The following LOC128462377 variants were observed in gnomAD, a reference collection of about 807,000 sequenced individuals.
At chr16:89,382,612 C>T in the LOC128462377 span, among the ~76,000 whole-genome samples, 1 of 151,900 alleles carries the variant, frequency 6.6e-6, no homozygotes, top group African/African-American at 2.4e-5. Flanking sequence ...GCTGAGATTA[C>T]AGGCCTGAGC....
chr16:89,405,460 G>C, the LOC128462377 span, among the ~76,000 whole-genome samples: 1 of 150,478 alleles, frequency 6.6e-6, no homozygotes. Context: ...AACTAGCTGT[G>C]ACTACAGGCA....
chr16:89,362,535 C>T, the LOC128462377 span, among the ~76,000 whole-genome samples: 1 of 152,256 alleles, frequency 6.6e-6, no homozygotes. Flanking sequence ...GCGGAGCACA[C>T]ATCTCAGCTG....
chr16:89,417,808 G>C, the LOC128462377 span, among the ~76,000 whole-genome samples: 1 of 152,038 alleles, frequency 6.6e-6, no homozygotes, highest in African/African-American at 2.4e-5. Context: ...ACAGCTCCCA[G>C]GATACAGAAT....
the LOC128462377 span, among the ~76,000 whole-genome samples, chr16:89,375,631 T>C: frequency 6.6e-6 from 1 of 151,932 alleles, no homozygotes; most frequent in African/African-American, 2.4e-5. Context: ...TTTTTAAATT[T>C]TTAGTAGAGA....
the LOC128462377 span, among the ~76,000 whole-genome samples, chr16:89,382,331 A>T: frequency 6.6e-6 from 1 of 151,002 alleles, no homozygotes; most frequent in African/African-American, 2.4e-5. Context: ...ATATATATAT[A>T]TATATTTTTT....
chr16:89,406,316 C>A, the LOC128462377 span, among the ~76,000 whole-genome samples: 2 of 152,108 alleles, frequency 1.3e-5, no homozygotes, highest in Admixed American at 6.5e-5. Flanking sequence ...AAGCACAGAC[C>A]CTCACTGCCA....
chr16:89,391,940 A>G, the LOC128462377 span, among the ~76,000 whole-genome samples: 1 of 152,256 alleles, frequency 6.6e-6, no homozygotes, highest in Non-Finnish European at 1.5e-5. Context: ...TACTGGTCGA[A>G]GCAAGCATTA....
the LOC128462377 span, chr16:89,418,214 T>A: frequency 2.2e-6 from 1 of 445,870 alleles, no homozygotes; most frequent in Non-Finnish European, 4.5e-6. Context: ...ACTCACGCAT[T>A]ATTTTGATAC....
the LOC128462377 span, among the ~76,000 whole-genome samples, chr16:89,338,509 A>C: frequency 6.6e-6 from 1 of 151,266 alleles, no homozygotes; most frequent in African/African-American, 2.4e-5. Flanking sequence ...GCGGGCAATC[A>C]CCTGAGGTCA....
At chr16:89,318,074 G>A in the LOC128462377 span, among the ~76,000 whole-genome samples, 1 of 152,164 alleles carries the variant, frequency 6.6e-6, no homozygotes, top group East Asian at 1.9e-4. Flanking sequence ...GGCAGTTGGG[G>A]GAGGCCTTCC....
At chr16:89,414,117 C>T in the LOC128462377 span, among the ~76,000 whole-genome samples, 1 of 152,188 alleles carries the variant, frequency 6.6e-6, no homozygotes, top group Non-Finnish European at 1.5e-5. Flanking sequence ...CTGAGGCGCA[C>T]GATCGCACCT....
chr16:89,379,966 T>C, the LOC128462377 span, among the ~76,000 whole-genome samples: 1 of 152,220 alleles, frequency 6.6e-6, no homozygotes. Flanking sequence ...TTCATCTCTA[T>C]TTACCAAACA....
At chr16:89,343,350 T>A in the LOC128462377 span, among the ~76,000 whole-genome samples, 1 of 152,252 alleles carries the variant, frequency 6.6e-6, no homozygotes, top group Non-Finnish European at 1.5e-5. Flanking sequence ...AATTGACATT[T>A]AGTTATAAGC....
the LOC128462377 span, among the ~76,000 whole-genome samples, chr16:89,325,905 G>A: frequency 6.6e-6 from 1 of 152,280 alleles, no homozygotes; most frequent in South Asian, 2.1e-4. Context: ...GACCCTCAAG[G>A]GCATGAGCAT....
the LOC128462377 span, among the ~76,000 whole-genome samples, chr16:89,390,689 A>AGTT: frequency 2.0e-4 from 31 of 152,172 alleles, no homozygotes; most frequent in Non-Finnish European, 3.5e-4. Flanking sequence ...TCTCGGGGAA[A>AGTT]CAGTGAGCAC....
the LOC128462377 span, among the ~76,000 whole-genome samples, chr16:89,409,069 G>T: frequency 6.6e-6 from 1 of 152,182 alleles, no homozygotes; most frequent in Non-Finnish European, 1.5e-5. Context: ...TGCACAAAAG[G>T]CCAGAGCAGC....
the LOC128462377 span, among the ~76,000 whole-genome samples, chr16:89,394,538 G>C: frequency 7.2e-5 from 11 of 151,918 alleles, no homozygotes; most frequent in South Asian, 2.3e-3. Context: ...TGAGGCAGGA[G>C]AATCGCTTGA....
chr16:89,345,933 C>CT, the LOC128462377 span, among the ~76,000 whole-genome samples: 1 of 152,122 alleles, frequency 6.6e-6, no homozygotes, highest in African/African-American at 2.4e-5. Flanking sequence ...ATAAAAGCCT[C>CT]TGAGTAAAGA....
chr16:89,417,114 C>T, the LOC128462377 span, among the ~76,000 whole-genome samples: 11 of 152,280 alleles, frequency 7.2e-5, no homozygotes, highest in African/African-American at 2.4e-4. Context: ...TCCTTCAAAC[C>T]TCACCTCTAT....
Sources: allele counts gnomAD v4.1 joint callset (sites outside exome capture counted in the v4.1 genomes callset), GRCh38; gene constraint gnomAD v4.1.1; transcripts MANE v1.5.